Variants in DLG2 observed in about 807,000 individuals in gnomAD.
DLG2 encodes the protein disks large homolog 2.
Under a neutral mutation model 132.5 loss-of-function variants are expected in DLG2, and 45 were observed. The ratio of observed to expected loss-of-function variants is 0.34; its 90% CI spans 0.27 to 0.44. The LOEUF (loss-of-function observed/expected upper bound fraction) is 0.44. DLG2 is among the 20% of genes least tolerant of loss of function. The probability of loss-of-function intolerance (pLI) is 1.00; values close to 1 mark genes in which losing one functional copy is unlikely to be tolerated. For synonymous variants in DLG2, 424 were observed against 419.6 expected (o/e 1.01, Z -0.13); for missense variants, 1,045 against 1,196.9 (o/e 0.87, Z 1.87).
intron 11 of DLG2, among the ~76,000 whole-genome samples, chr11:83,999,683 A>C (rs533144882): frequency 1.3e-5 from 2 of 152,178 alleles, no homozygotes; most frequent in African/African-American, 4.8e-5. Flanking sequence ...CCCACTCCCC[A>C]GTAGAACTTC....
Position 84,753,422 on chromosome 11 carries a change from A to G in DLG2, c.358-218691T>C, listed in dbSNP as rs2066444542. ...ACCAATGGTAACAGTAGTAAGAAGT[A>G]GCCATATTTTTCATACTTTGAATAT... On this transcript the variant is annotated intron_variant, in intron 6 of 27. Coordinates refer to ENST00000376104, the MANE Select transcript of DLG2 (RefSeq NM_001142699.3). Among the ~76,000 whole-genome samples, 3 of 152,324 alleles carry G rather than the reference A, an allele frequency of 2.0e-5. No individual in the cohort carries two copies. In the South Asian group the frequency reaches 6.2e-4, roughly 32 times the overall value.
intron 21 of DLG2, among the ~76,000 whole-genome samples, chr11:83,494,889 T>C (rs2094065705): frequency 1.3e-5 from 2 of 152,174 alleles, no homozygotes; most frequent in African/African-American, 4.8e-5. Flanking sequence ...CACATGCAGC[T>C]AAACCACATG....
At chr11:84,495,547 C>T (rs1034028788) in intron 7 of DLG2, among the ~76,000 whole-genome samples, 2 of 152,140 alleles carry the variant, frequency 1.3e-5, no homozygotes, top group African/African-American at 4.8e-5. Flanking sequence ...ACCTGAACAG[C>T]CACTGCTATG....
At chr11:83,637,400 C>G (rs571948072) in intron 18 of DLG2, among the ~76,000 whole-genome samples, 10 of 152,218 alleles carry the variant, frequency 6.6e-5, no homozygotes, top group Admixed American at 3.3e-4. Context: ...TGAGCACCTG[C>G]AATGAGCTAG....
intron 6 of DLG2, among the ~76,000 whole-genome samples, chr11:84,685,116 A>G (rs754596711): frequency 2.6e-5 from 4 of 152,258 alleles, no homozygotes; most frequent in Non-Finnish European, 4.4e-5. Flanking sequence ...AGAGAAAAGA[A>G]GTGAGTTGTC....
intron 11 of DLG2, among the ~76,000 whole-genome samples, chr11:83,991,527 C>CT (rs1251909052): frequency 6.6e-6 from 1 of 151,874 alleles, no homozygotes; most frequent in Admixed American, 6.6e-5. Flanking sequence ...TTACTTTTTT[C>CT]TTTTTTCTTT....
At chr11:84,433,559 T>C (rs967027033) in intron 7 of DLG2, among the ~76,000 whole-genome samples, 3 of 152,218 alleles carry the variant, frequency 2.0e-5, no homozygotes, top group Non-Finnish European at 4.4e-5. Flanking sequence ...ACTTTTAAAA[T>C]AATTTTATTC....
intron 19 of DLG2, among the ~76,000 whole-genome samples, chr11:83,588,335 C>A (rs1327398924): frequency 6.6e-6 from 1 of 151,456 alleles, no homozygotes; most frequent in African/African-American, 2.5e-5. Context: ...CCCTGACCCC[C>A]GAGCAGCCTA....
At chr11:84,723,062 C>A (rs896212184) in intron 6 of DLG2, among the ~76,000 whole-genome samples, 4 of 152,178 alleles carry the variant, frequency 2.6e-5, no homozygotes, top group Admixed American at 2.0e-4. Flanking sequence ...TGTGTGAGCA[C>A]TCCCACCTAC....
At chr11:84,726,817 G>C (rs1448435287) in intron 6 of DLG2, among the ~76,000 whole-genome samples, 1 of 151,808 alleles carries the variant, frequency 6.6e-6, no homozygotes, top group Non-Finnish European at 1.5e-5. Context: ...TGACTGGCAT[G>C]AGATGGTGGT....
intron 4 of DLG2, among the ~76,000 whole-genome samples, chr11:85,226,824 G>T (rs1274682071): frequency 1.3e-5 from 2 of 152,060 alleles, no homozygotes; most frequent in African/African-American, 4.8e-5. Flanking sequence ...CCCTATCCCT[G>T]CTCTTTTAGT....
At chr11:84,036,830 C>T (rs1443416937) in intron 11 of DLG2, among the ~76,000 whole-genome samples, 1 of 152,112 alleles carries the variant, frequency 6.6e-6, no homozygotes, top group Non-Finnish European at 1.5e-5. Context: ...AGACTAATTT[C>T]AAAGTGCTGA....
intron 4 of DLG2, among the ~76,000 whole-genome samples, chr11:85,204,209 T>C (rs2081685678): frequency 6.6e-6 from 1 of 152,008 alleles, no homozygotes; most frequent in Non-Finnish European, 1.5e-5. Context: ...GGAAAAGAAA[T>C]AAAGAGCATC....
intron 18 of DLG2, among the ~76,000 whole-genome samples, chr11:83,634,876 T>C (rs2064385956): frequency 6.6e-6 from 1 of 152,206 alleles, no homozygotes; most frequent in Non-Finnish European, 1.5e-5. Flanking sequence ...GCTGGAAATT[T>C]CTGGTGCATA....
At chr11:84,437,925 G>T (rs1433228680) in intron 7 of DLG2, 1 of 152,440 alleles carries the variant, frequency 6.6e-6, no homozygotes, top group Non-Finnish European at 1.5e-5. Flanking sequence ...GCTGGCGGCA[G>T]TGGCCACATA....
At chr11:84,377,019 G>A (rs1486535093) in intron 7 of DLG2, among the ~76,000 whole-genome samples, 1 of 151,906 alleles carries the variant, frequency 6.6e-6, no homozygotes, top group Non-Finnish European at 1.5e-5. Context: ...TAATGTAAGG[G>A]TCAGGCTGAC....
At chr11:84,644,590 C>A (rs2099672233) in intron 6 of DLG2, among the ~76,000 whole-genome samples, 1 of 151,690 alleles carries the variant, frequency 6.6e-6, no homozygotes, top group Non-Finnish European at 1.5e-5. Flanking sequence ...CCTGTAATCC[C>A]AGCTGCTTGG....
chr11:85,432,693 G>C (rs147823502), intron 3 of DLG2, among the ~76,000 whole-genome samples: 113 of 152,196 alleles, frequency 7.4e-4, no homozygotes, highest in African/African-American at 2.6e-3. Flanking sequence ...AGCTACAACT[G>C]ATTAGAGTAC....
intron 14 of DLG2, among the ~76,000 whole-genome samples, chr11:83,942,873 T>A (rs975950475): frequency 3.9e-5 from 6 of 152,276 alleles, no homozygotes; most frequent in Non-Finnish European, 8.8e-5. Flanking sequence ...CACAATGTGA[T>A]ATGGTTTGGC....
Sources: gnomAD v4.1 joint callset for allele counts (sites outside exome capture counted in the v4.1 genomes callset) on GRCh38, gnomAD v4.1.1 for gene constraint, MANE v1.5 for transcripts, NCBI Gene and HGNC (gene_info 2026-07-23, HGNC 2026-07-21) for gene names.